Variants in JAKMIP1 observed in about 807,000 individuals in gnomAD.
JAKMIP1 encodes the protein janus kinase and microtubule-interacting protein 1.
In JAKMIP1, 33 loss-of-function variants were observed where a neutral mutation model predicts 113.0. The ratio of observed to expected loss-of-function variants is 0.29; its 90% CI spans 0.22 to 0.39. JAKMIP1 has a LOEUF of 0.39. JAKMIP1 is among the 10% of genes least tolerant of loss of function. JAKMIP1 has a pLI of 1.00. For missense variants in JAKMIP1, 813 were observed against 1,080.5 expected (o/e 0.75, Z 3.47); for synonymous variants, 480 against 459.9 (o/e 1.04, Z -0.56).
In JAKMIP1 at chr4:6,136,832, CA is replaced by C. The variant is rs932632995; in HGVS notation, c.-147-23836del. ...GCCCTCGAGAACCACTGGCAGAAAG[CA>C]AAAAGCTAGTTACCAGCAGCGGCAC... On this transcript the variant is annotated intron_variant, in intron 1 of 20. Coordinates refer to ENST00000409021, the MANE Select transcript of JAKMIP1 (RefSeq NM_001099433.2). This position sits in a 1 kb window ranked among gnomAD's most constrained non-coding sequence, Gnocchi z 5.9. Among the ~76,000 whole-genome samples the C allele has an allele frequency of 2.6e-5, 4 of 152,164 alleles. No homozygotes were observed. The highest frequency in any genetic ancestry group is 9.7e-5 in the African/African-American group (4 of 41,450).
At chr4:6,164,881 G>C (rs962196762) in intron 1 of JAKMIP1, among the ~76,000 whole-genome samples, 5 of 152,212 alleles carry the variant, frequency 3.3e-5, no homozygotes, top group African/African-American at 4.8e-5. Context: ...TGCTTCTTAC[G>C]GAGTACATGA....
In JAKMIP1 at chr4:6,116,249, T is replaced by C. The variant is rs1233401074; in HGVS notation, c.-147-3252A>G. On this transcript the variant is annotated intron_variant, in intron 1 of 20. Coordinates refer to ENST00000409021, the MANE Select transcript of JAKMIP1 (RefSeq NM_001099433.2). The surrounding 1 kb of genome is among the most constrained non-coding windows in gnomAD (Gnocchi z 5.1). ...ACAGCATCACTGTAATCAGCCCCTCTGGCTGCGGGCTGCCCAAAGGTCTCA... is the reference window on the plus strand; with the variant it reads ...ACAGCATCACTGTAATCAGCCCCTCCGGCTGCGGGCTGCCCAAAGGTCTCA... Among the ~76,000 whole-genome samples, 1 of 152,088 alleles carries C rather than the reference T, an allele frequency of 6.6e-6. No individual in the cohort carries two copies. Among genetic ancestry groups the C allele is most frequent in the Non-Finnish European group, 1.5e-5 (1 of 68,002 alleles).
chr4:6,152,374 G>A (rs1164857616), intron 1 of JAKMIP1, among the ~76,000 whole-genome samples: 1 of 152,110 alleles, frequency 6.6e-6, no homozygotes, highest in East Asian at 1.9e-4. Context: ...TGTAGCCCCA[G>A]CTCCTAGAAC....
intron 3 of JAKMIP1, among the ~76,000 whole-genome samples, chr4:6,102,046 TTAAG>T (rs1208226240): frequency 6.6e-6 from 1 of 152,216 alleles, no homozygotes; most frequent in Non-Finnish European, 1.5e-5. Flanking sequence ...TTAGATCTCC[TTAAG>T]TTTTTCTCAG....
At chr4:6,172,530 C>T (rs1348446387) in intron 1 of JAKMIP1, among the ~76,000 whole-genome samples, 1 of 151,994 alleles carries the variant, frequency 6.6e-6, no homozygotes, top group East Asian at 1.9e-4. Context: ...GAGGACACGG[C>T]CCTGGCCCCA....
intron 3 of JAKMIP1, among the ~76,000 whole-genome samples, chr4:6,098,370 T>G (rs1294156871): frequency 1.3e-5 from 2 of 150,988 alleles, no homozygotes; most frequent in African/African-American, 4.9e-5. Context: ...GAGGTGGAGG[T>G]TGCAGTAAGC....
chr4:6,170,463 C>T lies in JAKMIP1; in HGVS notation c.-148+29790G>A, dbSNP rs1437395618. On this transcript the variant is annotated intron_variant, in intron 1 of 20. Transcript: ENST00000409021. ...ACCACCTCCATCACCATCACCACCACCACCATTACCACCCTCACAACCACC... is the reference window on the plus strand; with the variant it reads ...ACCACCTCCATCACCATCACCACCATCACCATTACCACCCTCACAACCACC... Among the ~76,000 whole-genome samples, 5 of 151,394 alleles carry T rather than the reference C, an allele frequency of 3.3e-5. No homozygotes were observed. The East Asian group carries it at 7.8e-4, about 24-fold the overall frequency.
intron 1 of JAKMIP1, among the ~76,000 whole-genome samples, chr4:6,134,964 G>C (rs1719019886): frequency 6.6e-6 from 1 of 152,174 alleles, no homozygotes; most frequent in African/African-American, 2.4e-5. Context: ...CTTCTAGCTG[G>C]GGACTCCACA....
chr4:6,183,506 A>AAATAAATAAATAAATAAATT lies in JAKMIP1; in HGVS notation c.-148+16746_-148+16747insAATTTATTTATTTATTTATT, dbSNP rs1239214147. Among the ~76,000 whole-genome samples, 135 of 151,270 alleles carry AAATAAATAAATAAATAAATT rather than the reference A, an allele frequency of 8.9e-4. 1 individual carries two copies. The highest frequency in any genetic ancestry group is 6.8e-3 in the Middle Eastern group (2 of 294). The stretch of plus-strand genomic sequence containing the variant: ...TAAATAAATAAATAAATAAATAAAT[A>AAATAAATAAATAAATAAATT]AATTTAAAAAAGAAAGTAAAATGGA... On this transcript the variant is annotated intron_variant, in intron 1 of 20. Coordinates refer to ENST00000409021, the MANE Select transcript of JAKMIP1 (RefSeq NM_001099433.2). This position sits in a 1 kb window ranked among gnomAD's most constrained non-coding sequence, Gnocchi z 5.3.
At chr4:6,072,184 T>TG (rs1719053721) in intron 8 of JAKMIP1, among the ~76,000 whole-genome samples, 1 of 152,212 alleles carries the variant, frequency 6.6e-6, no homozygotes, top group Non-Finnish European at 1.5e-5. Flanking sequence ...TCTCACAACC[T>TG]GTGGATTCAG....
Position 6,145,681 on chromosome 4 carries a change from C to T in JAKMIP1, c.-147-32684G>A, listed in dbSNP as rs115630398. Among the ~76,000 whole-genome samples the T allele has an allele frequency of 8.1e-3, 1,228 of 152,266 alleles. 23 individuals carry two copies. The highest frequency in any genetic ancestry group is 0.028 in the African/African-American group (1,143 of 41,536). On this transcript the variant is annotated intron_variant, in intron 1 of 20. Coordinates refer to ENST00000409021, the MANE Select transcript of JAKMIP1 (RefSeq NM_001099433.2). ...CAACAAACCACTACACACTGAGTGG[C>T]TTAAATATCAGAATTTTTTTCCTTG...
rs1285138699 is a variant in JAKMIP1, at chr4:6,143,776, TA to T, written c.-147-30780del. On this transcript the variant is annotated intron_variant, in intron 1 of 20. Coordinates refer to ENST00000409021, the MANE Select transcript of JAKMIP1 (RefSeq NM_001099433.2). The surrounding 1 kb of genome is among the most constrained non-coding windows in gnomAD (Gnocchi z 4.9). The stretch of plus-strand genomic sequence containing the variant: ...TGAGTGATTCTAACACACGCTGCTC[TA>T]GAACAGTTTTTTATTTAAATAGAGA... Among the ~76,000 whole-genome samples the T allele has an allele frequency of 2.6e-5, 4 of 152,234 alleles. No individual in the cohort carries two copies. The highest frequency in any genetic ancestry group is 5.9e-5 in the Non-Finnish European group (4 of 68,040).
chr4:6,026,280 T>G lies in JAKMIP1; in HGVS notation c.2446-2A>C, dbSNP rs1365029113. On this transcript the variant is annotated splice_acceptor_variant, in intron 20 of 20. Transcript: ENST00000409021. LOFTEE classifies it high-confidence loss of function. Reference sequence around the variant, plus strand: ...GAAAAACAAAAAAAGGAACAAAAACTATAAAATAATACCAAAAGAAAATGA... The same window carrying G: ...GAAAAACAAAAAAAGGAACAAAAACGATAAAATAATACCAAAAGAAAATGA... The G allele has an allele frequency of 7.7e-7, 1 of 1,302,710 alleles. No homozygotes were observed. The highest frequency in any genetic ancestry group is 2.1e-5 in the Admixed American group (1 of 48,692). 80.7% of individuals were successfully genotyped at this position (1,302,710 alleles called of 1,614,324 possible). A position where few individuals can be genotyped will look rare whatever the true frequency, so the allele number is the denominator to read the frequency against.
chr4:6,036,228 T>A lies in JAKMIP1; in HGVS notation c.2176-121A>T, dbSNP rs1713414625. ...GGGGTTTCGGGCAGGGAGGGGCAAC[T>A]GGCAGGGGCCAAGCACAGGGCCAGC... On this transcript the variant is annotated intron_variant, in intron 18 of 20. Coordinates refer to ENST00000409021, the MANE Select transcript of JAKMIP1 (RefSeq NM_001099433.2). The A allele has an allele frequency of 4.0e-6, 3 of 746,200 alleles. No individual in the cohort carries two copies. The South Asian group carries it at 5.6e-5, about 14-fold the overall frequency. The allele number at this position is 746,200 out of a possible 1,614,324, so 46.2% of individuals were successfully genotyped here. A position where few individuals can be genotyped will look rare whatever the true frequency, so the allele number is the denominator to read the frequency against.
chr4:6,111,371 C>T (rs1036590894), intron 2 of JAKMIP1, among the ~76,000 whole-genome samples: 2 of 152,206 alleles, frequency 1.3e-5, no homozygotes, highest in Non-Finnish European at 2.9e-5. Context: ...CTGTGCTCAG[C>T]CTGGCTGGCA....
chr4:6,091,307 T>C (rs901343726), intron 3 of JAKMIP1, among the ~76,000 whole-genome samples: 3 of 152,256 alleles, frequency 2.0e-5, no homozygotes, highest in Non-Finnish European at 4.4e-5. Flanking sequence ...ACTGGATCCC[T>C]GGCACATTTT....
rs1044365692 is a variant in JAKMIP1, at chr4:6,042,837, G to C, written c.2029-610C>G. Reference sequence around the variant, plus strand: ...ATCACACACAGGGTAGGGGGTGTAGGAGCATGAAAGCAGGGTTCATGCCAG... The same window carrying C: ...ATCACACACAGGGTAGGGGGTGTAGCAGCATGAAAGCAGGGTTCATGCCAG... On this transcript the variant is annotated intron_variant, in intron 16 of 20. Transcript: ENST00000409021. This position sits in a 1 kb window ranked among gnomAD's most constrained non-coding sequence, Gnocchi z 5.2. Among the ~76,000 whole-genome samples the C allele has an allele frequency of 1.3e-5, 2 of 152,064 alleles. No homozygotes were observed. Among genetic ancestry groups the C allele is most frequent in the African/African-American group, 2.4e-5 (1 of 41,402 alleles).
Position 6,106,023 on chromosome 4 carries a change from G to T in JAKMIP1, c.130-56C>A. ...GGGTCAGGGTCAGGGTCAGGGTCAG[G>T]GTCAGGGTCACAGCTGGGGGAGCTG... On this transcript the variant is annotated intron_variant, in intron 2 of 20. Transcript: ENST00000409021. The surrounding 1 kb of genome is among the most constrained non-coding windows in gnomAD (Gnocchi z 5.9). The T allele has an allele frequency of 7.9e-7, 1 of 1,257,956 alleles. No homozygotes were observed. Among genetic ancestry groups the T allele is most frequent in the South Asian group, 1.4e-5 (1 of 71,672 alleles). The allele number at this position is 1,257,956 out of a possible 1,614,324, so 77.9% of individuals were successfully genotyped here.
rs537723195 is a variant in JAKMIP1 at position 6,064,504 on chromosome 4, G to C, written c.1431+376C>G. Among the ~76,000 whole-genome samples the C allele has an allele frequency of 1.3e-5, 2 of 152,326 alleles. No individual in the cohort carries two copies. Among genetic ancestry groups the C allele is most frequent in the South Asian group, 4.1e-4 (2 of 4,822 alleles). On this transcript the variant is annotated intron_variant, in intron 9 of 20. Coordinates refer to ENST00000409021, the MANE Select transcript of JAKMIP1 (RefSeq NM_001099433.2). The surrounding 1 kb of genome is among the most constrained non-coding windows in gnomAD (Gnocchi z 4.3). ...TGTTTCTGCCCGGTGGTGTGTCCGT[G>C]TGTGCACACATGCGTGGGGACCAGG... is the stretch of plus-strand genomic sequence containing the variant.
Sources: gnomAD v4.1 joint callset for allele counts (sites outside exome capture counted in the v4.1 genomes callset) on GRCh38, gnomAD v4.1.1 for gene constraint, Gnocchi (gnomAD v3.1) non-coding constraint, MANE v1.5 for transcripts, NCBI Gene and HGNC (gene_info 2026-07-23, HGNC 2026-07-21) for gene names.